The following PID1 variants were observed in gnomAD, a reference collection of about 807,000 sequenced individuals.
PID1 encodes the protein phosphotyrosine interaction domain containing 1.
Under a neutral mutation model 19.1 loss-of-function variants are expected in PID1, and 10 were observed. The ratio of observed to expected loss-of-function variants is 0.52; its 90% CI spans 0.32 to 0.89. PID1 has a LOEUF of 0.89. Ranked by LOEUF, PID1 falls within the 40% of genes least tolerant of loss-of-function variation. PID1 has a pLI of 0.03. For missense variants in PID1, 248 were observed against 285.3 expected, an observed-to-expected ratio of 0.87 and a Z score of 0.94; for synonymous variants, 130 against 116.0, an observed-to-expected ratio of 1.12 and a Z score of -0.78.
chr2:229,105,136 AG>A (rs1355399132), intron 2 of PID1, among the ~76,000 whole-genome samples: 1 of 152,236 alleles, frequency 6.6e-6, no homozygotes, highest in Non-Finnish European at 1.5e-5. Context: ...CTTACGCAAG[AG>A]GGATCACCAC....
chr2:229,126,507 T>C lies in PID1; in HGVS notation c.177+29311A>G, dbSNP rs189253722. On this transcript the variant is annotated intron_variant, in intron 2 of 2. Transcript: ENST00000392055. ...CACTTAGCTTTTAGGAGATAATATG[T>C]GAATTAATGACTCTTCATGCATGGT... Among the ~76,000 whole-genome samples, 557 of 152,198 alleles carry C rather than the reference T, an allele frequency of 3.7e-3. 1 individual carries two copies. The highest frequency in any genetic ancestry group is 0.014 in the Middle Eastern group (4 of 292).
intron 1 of PID1, among the ~76,000 whole-genome samples, chr2:229,169,318 A>C (rs1176114821): frequency 2.6e-5 from 4 of 152,150 alleles, no homozygotes; most frequent in African/African-American, 9.7e-5. Context: ...TGGATGTACT[A>C]TATGATCCCA....
chr2:229,192,407 G>A (rs574171761), intron 1 of PID1, among the ~76,000 whole-genome samples: 19 of 152,166 alleles, frequency 1.2e-4, no homozygotes, highest in South Asian at 2.1e-4. Context: ...AAGAGTATCC[G>A]GATAAATTGT....
At chr2:229,133,076 C>T (rs1689778401) in intron 2 of PID1, among the ~76,000 whole-genome samples, 1 of 152,114 alleles carries the variant, frequency 6.6e-6, no homozygotes, top group African/African-American at 2.4e-5. Flanking sequence ...GGCACTCTAC[C>T]TGGAGACGGA....
At chr2:229,179,201 GA>G (rs1690888441) in intron 1 of PID1, among the ~76,000 whole-genome samples, 1 of 152,040 alleles carries the variant, frequency 6.6e-6, no homozygotes, top group Non-Finnish European at 1.5e-5. Flanking sequence ...GAGAAGCTGT[GA>G]AAGTCCTGGG....
intron 2 of PID1, among the ~76,000 whole-genome samples, chr2:229,145,850 A>T: frequency 6.6e-6 from 1 of 152,336 alleles, no homozygotes. Flanking sequence ...AAAAAAACCT[A>T]TATTCTATAT....
chr2:229,240,227 ATTCCCGAAGC>A (rs1328052913), intron 1 of PID1, among the ~76,000 whole-genome samples: 10 of 152,196 alleles, frequency 6.6e-5, no homozygotes, highest in Non-Finnish European at 1.5e-4. Flanking sequence ...ATCAAATTCC[ATTCCCGAAGC>A]TTAGTATTTC....
chr2:229,210,340 G>A (rs530729215), intron 1 of PID1, among the ~76,000 whole-genome samples: 17 of 151,250 alleles, frequency 1.1e-4, no homozygotes, highest in African/African-American at 3.6e-4. Context: ...GTGAAACCCC[G>A]TCTCTATTAA....
intron 2 of PID1, among the ~76,000 whole-genome samples, chr2:229,146,549 GTGTT>G (rs1213979034): frequency 6.6e-6 from 1 of 151,148 alleles, no homozygotes; most frequent in Non-Finnish European, 1.5e-5. Flanking sequence ...GTGTGTGTGT[GTGTT>G]TGACAATTTT....
chr2:229,200,379 G>GA (rs1222241410), intron 1 of PID1, among the ~76,000 whole-genome samples: 3 of 151,924 alleles, frequency 2.0e-5, no homozygotes, highest in Admixed American at 2.0e-4. Context: ...AAAAGGCACT[G>GA]AAAAAACAGT....
In PID1 at chr2:229,145,162, T is replaced by TAC. The variant is rs1191385396; in HGVS notation, c.177+10655_177+10656insGT. On this transcript the variant is annotated intron_variant, in intron 2 of 2. Transcript: ENST00000392055. ...GTTTAAATATATGTATGTGTATATA[T>TAC]ATATATATATATATATATATATATA... Among the ~76,000 whole-genome samples the TAC allele has an allele frequency of 4.5e-3, 602 of 134,434 alleles. 8 individuals carry two copies. Among genetic ancestry groups the TAC allele is most frequent in the African/African-American group, 0.018 (566 of 31,044 alleles). 88.2% of individuals were successfully genotyped at this position (134,434 alleles called of 152,430 possible).
chr2:229,029,965 A>T (rs777467968), intron 2 of PID1, among the ~76,000 whole-genome samples: 8 of 152,212 alleles, frequency 5.3e-5, no homozygotes, highest in Non-Finnish European at 1.2e-4. Flanking sequence ...TTATAGCAGC[A>T]CTATTTACAA....
chr2:229,245,088 A>C (rs1228415584), intron 1 of PID1: 1 of 152,112 alleles, frequency 6.6e-6, no homozygotes, highest in Non-Finnish European at 1.5e-5. Flanking sequence ...CTTTACACTT[A>C]AAAGAGCTGT....
At chr2:229,173,272 T>A (rs1219872478) in intron 1 of PID1, among the ~76,000 whole-genome samples, 2 of 152,156 alleles carry the variant, frequency 1.3e-5, no homozygotes, top group Non-Finnish European at 2.9e-5. Context: ...CTGAATTGAC[T>A]CAAGGATGCA....
intron 1 of PID1, among the ~76,000 whole-genome samples, chr2:229,169,819 C>A (rs1008827667): frequency 6.6e-6 from 1 of 152,166 alleles, no homozygotes; most frequent in Non-Finnish European, 1.5e-5. Flanking sequence ...CCCAGAATTG[C>A]AGAATATTCA....
At chr2:229,200,754 C>T (rs1296113526) in intron 1 of PID1, among the ~76,000 whole-genome samples, 1 of 152,038 alleles carries the variant, frequency 6.6e-6, no homozygotes, top group African/African-American at 2.4e-5. Context: ...CTCTTCAATT[C>T]CTTCCCAGTC....
rs201311630 is a variant in PID1 at position 229,232,693 on chromosome 2, CAT to C, written c.30+38319_30+38320del. On this transcript the variant is annotated intron_variant, in intron 1 of 2. Coordinates refer to ENST00000392055, the MANE Select transcript of PID1 (RefSeq NM_001100818.2). ...TGTGTGTGCTATGTATGTATACATACATATATATATATACACACATTCCAATA... is the reference window on the plus strand; with the variant it reads ...TGTGTGTGCTATGTATGTATACATACATATATATATACACACATTCCAATA... Among the ~76,000 whole-genome samples, 1,416 of 147,346 alleles carry C rather than the reference CAT, an allele frequency of 9.6e-3. 25 individuals carry two copies. The highest frequency in any genetic ancestry group is 0.033 in the African/African-American group (1,311 of 40,036).
intron 2 of PID1, among the ~76,000 whole-genome samples, chr2:229,030,826 G>A (rs996120759): frequency 1.3e-5 from 2 of 152,162 alleles, no homozygotes; most frequent in South Asian, 4.1e-4. Context: ...TATTTTGGAG[G>A]TGTACTGGAG....
intron 2 of PID1, among the ~76,000 whole-genome samples, chr2:229,069,893 C>T (rs1694417559): frequency 1.3e-5 from 2 of 152,190 alleles, no homozygotes; most frequent in African/African-American, 2.4e-5. Flanking sequence ...ACTCACATTT[C>T]ACACACAAGC....
Sources: gnomAD v4.1 joint callset for allele counts (sites outside exome capture counted in the v4.1 genomes callset) on GRCh38, gnomAD v4.1.1 for gene constraint, MANE v1.5 for transcripts, NCBI Gene and HGNC (gene_info 2026-07-23, HGNC 2026-07-21) for gene names.